NMT2: variants seen among roughly 807,000 people sequenced by gnomAD.
NMT2 encodes N-myristoyltransferase 2.
A neutral mutation model predicts 65.4 loss-of-function variants in NMT2; 35 were observed. The ratio of observed to expected loss-of-function variants is 0.54; its 90% CI spans 0.41 to 0.71. NMT2 has a LOEUF of 0.71. Ranked by LOEUF, NMT2 falls within the 30% of genes least tolerant of loss-of-function variation. The probability of loss-of-function intolerance (pLI) is 0.00; values close to 1 mark genes in which losing one functional copy is unlikely to be tolerated. For synonymous variants in NMT2, 226 were observed against 231.8 expected (o/e 0.98, Z 0.23); for missense variants, 489 against 611.3 (o/e 0.80, Z 2.11).
rs1042484408 is a variant in NMT2 at position 15,106,065 on chromosome 10, G to A, written c.*3130C>T. On this transcript the variant is annotated 3_prime_UTR_variant, in exon 12 of 12. Transcript: ENST00000378165. ...GCTGGAGTGCAGTGGTGTGATCCCGGCTCACTGCAACCCCGCCTCCTGGGT... is the reference window on the plus strand; with the variant it reads ...GCTGGAGTGCAGTGGTGTGATCCCGACTCACTGCAACCCCGCCTCCTGGGT... 8.2e-6 allele frequency: 3 copies of A among 367,204 alleles called. No individual in the cohort carries two copies. Among genetic ancestry groups the A allele is most frequent in the African/African-American group, 6.7e-5 (3 of 44,628 alleles). 22.7% of individuals were successfully genotyped at this position (367,204 alleles called of 1,614,324 possible). A position where few individuals can be genotyped will look rare whatever the true frequency, so the allele number is the denominator to read the frequency against.
intron 9 of NMT2, among the ~76,000 whole-genome samples, chr10:15,116,111 A>C (rs1048492613): frequency 3.3e-5 from 5 of 152,246 alleles, no homozygotes; most frequent in African/African-American, 1.2e-4. Context: ...AACACTCCAC[A>C]CAACCGTAGT....
chr10:15,112,435 A>C (rs2131471313), intron 10 of NMT2, among the ~76,000 whole-genome samples: 1 of 150,334 alleles, frequency 6.7e-6, no homozygotes, highest in African/African-American at 2.4e-5. Context: ...CACCATATTA[A>C]CCAGGCTGGT....
chr10:15,140,672 C>T (rs193279134), intron 2 of NMT2, among the ~76,000 whole-genome samples: 15 of 152,228 alleles, frequency 9.9e-5, no homozygotes, highest in African/African-American at 3.1e-4. Flanking sequence ...CGTGAGCCAC[C>T]GTGCCTGGCT....
In NMT2 at chr10:15,107,929, A is replaced by T; in HGVS notation, c.*1266T>A. The T allele has an allele frequency of 1.0e-6, 1 of 985,654 alleles. No individual in the cohort carries two copies. Among genetic ancestry groups the T allele is most frequent in the Non-Finnish European group, 1.2e-6 (1 of 829,748 alleles). 61.1% of individuals were successfully genotyped at this position (985,654 alleles called of 1,614,324 possible). ...CAAAATTATGAATACTTATTTACAAATAAGACATTTTCCATTAGCATGACA... is the reference window on the plus strand; with the variant it reads ...CAAAATTATGAATACTTATTTACAATTAAGACATTTTCCATTAGCATGACA... On this transcript the variant is annotated 3_prime_UTR_variant, in exon 12 of 12. Transcript: ENST00000378165.
At chr10:15,130,456 C>G in intron 6 of NMT2, 144 bp from the exon 7 acceptor site, 1 of 656,696 alleles carries the variant, frequency 1.5e-6, no homozygotes, top group East Asian at 3.2e-5. Context: ...CCTGTAATCT[C>G]AGCACTTTGG....
chr10:15,161,885 A>G (rs1006853876), intron 1 of NMT2, among the ~76,000 whole-genome samples: 1 of 152,224 alleles, frequency 6.6e-6, no homozygotes, highest in Non-Finnish European at 1.5e-5. Flanking sequence ...TTCTTGTGAG[A>G]TGGTAGAATA....
chr10:15,114,345 C>A (rs777558869), intron 9 of NMT2, among the ~76,000 whole-genome samples: 1 of 152,172 alleles, frequency 6.6e-6, no homozygotes, highest in South Asian at 2.1e-4. Flanking sequence ...TGTTTCCTCT[C>A]TTGCTGTTAA....
At chr10:15,150,004 T>C (rs989811918) in intron 1 of NMT2, among the ~76,000 whole-genome samples, 3 of 152,234 alleles carry the variant, frequency 2.0e-5, no homozygotes, top group African/African-American at 7.2e-5. Context: ...GGAATTGTAA[T>C]AGATCTTTGT....
intron 8 of NMT2, among the ~76,000 whole-genome samples, chr10:15,121,751 CTGAT>C (rs2131508851): frequency 6.6e-6 from 1 of 152,268 alleles, no homozygotes; most frequent in East Asian, 1.9e-4. Flanking sequence ...ACACACAGTG[CTGAT>C]TGATTATCGA....
chr10:15,109,728 T>C lies in NMT2; in HGVS notation c.1450A>G (p.Arg484Gly). Residue 484 changes from arginine to glycine, a missense_variant, in exon 11 of 12, where the codon AGG becomes GGG. By Grantham distance (125) the Arg-to-Gly change is moderately radical (BLOSUM62 -2). Transcript: ENST00000378165. Reference protein sequence around the residue: ...GNLQYYLYNWRCPGTDSEKVG... With the variant: ...GNLQYYLYNWGCPGTDSEKVG... ...TTTTCAGAATCTGTACCTGGACACC[T>C]CCAATTGTACAGGTAATACTGCAAA... The C allele has an allele frequency of 6.2e-7, 1 of 1,612,440 alleles. No homozygotes were observed. Among genetic ancestry groups the C allele is most frequent in the Non-Finnish European group, 8.5e-7 (1 of 1,179,490 alleles).
intron 1 of NMT2, among the ~76,000 whole-genome samples, chr10:15,161,775 G>C (rs1833207980): frequency 6.6e-6 from 1 of 152,156 alleles, no homozygotes; most frequent in African/African-American, 2.4e-5. Context: ...TAAGAAAAAA[G>C]TCTCTAGTGA....
At chr10:15,141,381 C>G in intron 2 of NMT2, 41 bp downstream of exon 2, 1 of 1,611,100 alleles carries the variant, frequency 6.2e-7, no homozygotes, top group East Asian at 2.2e-5. Context: ...CACTCATGCA[C>G]GAGAAACCAC....
intron 9 of NMT2, among the ~76,000 whole-genome samples, chr10:15,118,619 T>C (rs988021144): frequency 7.4e-5 from 11 of 148,024 alleles, no homozygotes; most frequent in African/African-American, 2.2e-4. Context: ...GTGATGTAAA[T>C]AGCAAGTTTA....
chr10:15,159,232 C>T (rs949056716), intron 1 of NMT2, among the ~76,000 whole-genome samples: 1 of 152,106 alleles, frequency 6.6e-6, no homozygotes, highest in South Asian at 2.1e-4. Context: ...GGAACAGATG[C>T]TTGGGGCAGT....
At chr10:15,162,835 ATC>A (rs1181816236) in intron 1 of NMT2, among the ~76,000 whole-genome samples, 4 of 148,134 alleles carry the variant, frequency 2.7e-5, no homozygotes, top group Non-Finnish European at 4.5e-5. Context: ...ATATTTATAT[ATC>A]TCTATATATT....
chr10:15,168,334 C>G, intron 1 of NMT2, 169 bp downstream of exon 1: 2 of 582,198 alleles, frequency 3.4e-6, no homozygotes, highest in East Asian at 3.6e-5. Context: ...TGCACTCTCC[C>G]GCGAGCCGCG....
At chr10:15,163,085 T>G (rs1833256515) in intron 1 of NMT2, among the ~76,000 whole-genome samples, 1 of 152,104 alleles carries the variant, frequency 6.6e-6, no homozygotes, top group South Asian at 2.1e-4. Context: ...CTAGCTCATT[T>G]TTTATTTCAT....
intron 1 of NMT2, among the ~76,000 whole-genome samples, chr10:15,150,765 C>T (rs141970187): frequency 1.5e-3 from 230 of 152,194 alleles, no homozygotes; most frequent in African/African-American, 5.4e-3. Flanking sequence ...TGAGACTAGC[C>T]AATAATTTAA....
rs911629562 is a variant in NMT2 at position 15,108,892 on chromosome 10, C to A, written c.*303G>T. ...TACTTAGTCCATAGAAAAACAGTCC[C>A]TTTTCTAAGGGTGAAAAAATACCTC... is the stretch of plus-strand genomic sequence containing the variant. On this transcript the variant is annotated 3_prime_UTR_variant, in exon 12 of 12. Transcript: ENST00000378165. The A allele has an allele frequency of 3.2e-5, 37 of 1,142,156 alleles. No individual in the cohort carries two copies. Among genetic ancestry groups the A allele is most frequent in the Non-Finnish European group, 4.0e-5 (37 of 930,706 alleles). The allele number at this position is 1,142,156 out of a possible 1,614,324, so 70.8% of individuals were successfully genotyped here. A position where few individuals can be genotyped will look rare whatever the true frequency, so the allele number is the denominator to read the frequency against.
Sources: allele counts gnomAD v4.1 joint callset (sites outside exome capture counted in the v4.1 genomes callset), GRCh38; gene constraint gnomAD v4.1.1; transcripts MANE v1.5; gene names NCBI Gene and HGNC (gene_info 2026-07-23, HGNC 2026-07-21).